Variants in HADHA observed in about 807,000 individuals in gnomAD.
The protein encoded by HADHA is hydroxyacyl-CoA dehydrogenase trifunctional multienzyme complex subunit alpha.
HADHA carries 59 observed loss-of-function variants against 91.3 expected under a neutral mutation model. That is an observed-to-expected ratio of 0.65 (90% CI 0.52 to 0.80). HADHA has a LOEUF of 0.80. HADHA is among the 30% of genes least tolerant of loss of function. The probability of loss-of-function intolerance (pLI) is 0.00; values close to 1 mark genes in which losing one functional copy is unlikely to be tolerated. For synonymous variants in HADHA, 320 were observed against 338.9 expected (o/e 0.94, Z 0.61); for missense variants, 800 against 927.6 (o/e 0.86, Z 1.79).
At chr2:26,228,394 G>A (rs780501631) in intron 7 of HADHA, among the ~76,000 whole-genome samples, 12 of 152,214 alleles carry the variant, frequency 7.9e-5, no homozygotes, top group South Asian at 2.1e-4. Context: ...GCCTCCCAAA[G>A]TGCTGGGATT....
rs1057517397 is a variant in HADHA, at chr2:26,192,391, TGATA to T, written c.1915_1918del (p.Tyr639ArgfsTer4). 1.9e-6 allele frequency: 3 copies of T among 1,606,324 alleles called. No homozygotes were observed. Among genetic ancestry groups the T allele is most frequent in the Non-Finnish European group, 2.6e-6 (3 of 1,172,886 alleles). On this transcript the variant is annotated frameshift_variant, in exon 18 of 20. Transcript: ENST00000380649. LOFTEE classifies it high-confidence loss of function. ...CAAATCCTTCCTCTTCACACCCTCC[TGATA>T]GATGTAAAAGCCCTTCCCAGATTTA...
chr2:26,216,179 G>T (rs2147770607), intron 7 of HADHA, among the ~76,000 whole-genome samples: 1 of 152,282 alleles, frequency 6.6e-6, no homozygotes, highest in African/African-American at 2.4e-5. Context: ...TCAAAAGTCT[G>T]TAAGAGCCAC....
intron 7 of HADHA, among the ~76,000 whole-genome samples, chr2:26,223,579 G>A (rs1670422906): frequency 6.6e-6 from 1 of 152,190 alleles, no homozygotes; most frequent in Non-Finnish European, 1.5e-5. Flanking sequence ...TGAGGGAGCT[G>A]CAGTCAAGGA....
Position 26,214,721 on chromosome 2 carries a change from T to G in HADHA, c.800-160A>C. On this transcript the variant is annotated intron_variant, in intron 8 of 19. Coordinates refer to ENST00000380649, the MANE Select transcript of HADHA (RefSeq NM_000182.5). The surrounding 1 kb of genome is among the most constrained non-coding windows in gnomAD (Gnocchi z 4.1). ...ATAAATTTCAACCTAAGCACTACCTTAAACATGCTAAGTGATGAATGTTAA... is the reference window on the plus strand; with the variant it reads ...ATAAATTTCAACCTAAGCACTACCTGAAACATGCTAAGTGATGAATGTTAA... 1.5e-6 allele frequency: 1 copy of G among 648,472 alleles called. No homozygotes were observed. The highest frequency in any genetic ancestry group is 2.7e-5 in the East Asian group (1 of 36,988). The allele number at this position is 648,472 out of a possible 1,614,324, so 40.2% of individuals were successfully genotyped here. A position where few individuals can be genotyped will look rare whatever the true frequency, so the allele number is the denominator to read the frequency against.
intron 10 of HADHA, chr2:26,212,325 G>A (rs934057943): frequency 1.2e-5 from 6 of 492,492 alleles, no homozygotes; most frequent in African/African-American, 7.8e-5. Context: ...GAGCTCAAAC[G>A]ATCTGCCCAC....
chr2:26,217,336 A>G (rs1267141426), intron 7 of HADHA, among the ~76,000 whole-genome samples: 3 of 152,250 alleles, frequency 2.0e-5, no homozygotes, highest in Non-Finnish European at 4.4e-5. Flanking sequence ...GGGCAATATC[A>G]AATGACCTAA....
At chr2:26,220,739 T>G (rs1338597755) in intron 7 of HADHA, among the ~76,000 whole-genome samples, 1 of 152,252 alleles carries the variant, frequency 6.6e-6, no homozygotes, top group Non-Finnish European at 1.5e-5. Context: ...GCAATATACC[T>G]TCAATGTCTT....
chr2:26,214,497 T>C lies in HADHA; in HGVS notation c.864A>G (p.Glu288=), dbSNP rs372425837. The stretch of plus-strand genomic sequence containing the variant: ...GGCCTTTAGTCTGCTTTCGCACTTT[T>C]TCTTCCACTTTTTTGTAAACCTGTT... The part of the protein sequence containing the change: ...VRQQVYKKVE[E]KVRKQTKGLY... Residue 288 remains glutamate, a synonymous_variant, in exon 9 of 20, where the codon GAA becomes GAG. Transcript: ENST00000380649. This position sits in a 1 kb window ranked among gnomAD's most constrained non-coding sequence, Gnocchi z 4.1. 3.5e-5 allele frequency: 56 copies of C among 1,608,918 alleles called. 1 individual carries two copies. The African/African-American group carries it at 6.8e-4, about 20-fold the overall frequency.
intron 7 of HADHA, among the ~76,000 whole-genome samples, chr2:26,216,725 T>C (rs1670230672): frequency 1.3e-5 from 2 of 152,094 alleles, no homozygotes; most frequent in Non-Finnish European, 2.9e-5. Flanking sequence ...AACACAGTCA[T>C]AATCCTGAGG....
In HADHA at chr2:26,208,017, T is replaced by G. The variant is rs1402142070; in HGVS notation, c.1085+1763A>C. 3.3e-5 allele frequency among the ~76,000 whole-genome samples: 5 copies of G among 152,224 alleles called. No homozygotes were observed. The East Asian group carries it at 9.6e-4, about 29-fold the overall frequency. On this transcript the variant is annotated intron_variant, in intron 11 of 19. Transcript: ENST00000380649. ...TTTAACATATTTTGCCTTGGGTATC[T>G]TATAGCTTATTCTTCATTTCTAAGA...
chr2:26,213,885 T>TA (rs1670158263), intron 9 of HADHA, among the ~76,000 whole-genome samples: 1 of 152,232 alleles, frequency 6.6e-6, no homozygotes, highest in Non-Finnish European at 1.5e-5. Context: ...TCTTTGGTTA[T>TA]ATACTCTCTT....
At position 26,221,987 on chromosome 2, in the gene HADHA, G is replaced by A. The variant is rs1439924254; in HGVS notation, c.677-6812C>T. 6.6e-6 allele frequency among the ~76,000 whole-genome samples: 1 copy of A among 152,192 alleles called. No individual in the cohort carries two copies. Among genetic ancestry groups the A allele is most frequent in the Admixed American group, 6.5e-5 (1 of 15,278 alleles). On this transcript the variant is annotated intron_variant, in intron 7 of 19. Transcript: ENST00000380649. The surrounding 1 kb of genome is among the most constrained non-coding windows in gnomAD (Gnocchi z 4.8). ...AACACAGATGAAAAACTGTTGGCAA[G>A]GTGTTATGGGCTGAATTGTGTCCCC...
rs1558328303 is a variant in HADHA at position 26,229,539 on chromosome 2, GT to G, written c.676+652del. 2.0e-5 allele frequency among the ~76,000 whole-genome samples: 3 copies of G among 152,074 alleles called. No homozygotes were observed. Among genetic ancestry groups the G allele is most frequent in the Non-Finnish European group, 4.4e-5 (3 of 68,020 alleles). On this transcript the variant is annotated intron_variant, in intron 7 of 19. Transcript: ENST00000380649. This position sits in a 1 kb window ranked among gnomAD's most constrained non-coding sequence, Gnocchi z 4.3. ...AGCCCATCAGTAGATATCAATTATT[GT>G]TAATATTCTCAGGTTGGTTGTTTCA...
rs781205883 is a variant in HADHA at position 26,236,890 on chromosome 2, TGATGA to T, written c.274_278del (p.Ser92LysfsTer10). On this transcript the variant is annotated frameshift_variant, in exon 4 of 20. Coordinates refer to ENST00000380649, the MANE Select transcript of HADHA (RefSeq NM_000182.5). LOFTEE classifies it high-confidence loss of function. ...CACCTGCAATAAAGCAGCCTGGCTT[TGATGA>T]GATAAGGACGGCACTTCTGATTTGA... 49 of 1,612,414 alleles carry T rather than the reference TGATGA, an allele frequency of 3.0e-5. No homozygotes were observed. The highest frequency in any genetic ancestry group is 4.1e-5 in the Non-Finnish European group (48 of 1,179,022).
intron 7 of HADHA, among the ~76,000 whole-genome samples, chr2:26,217,395 T>C (rs933434118): frequency 6.6e-6 from 1 of 152,064 alleles, no homozygotes; most frequent in Non-Finnish European, 1.5e-5. Context: ...AGAAAAATAT[T>C]TGAAGAAATA....
intron 11 of HADHA, among the ~76,000 whole-genome samples, chr2:26,205,051 C>T (rs180823899): frequency 4.6e-5 from 7 of 152,274 alleles, no homozygotes; most frequent in South Asian, 4.1e-4. Flanking sequence ...CTTCTCAGGA[C>T]GACTTGATTT....
intron 7 of HADHA, 72 bp from the exon 8 acceptor site, chr2:26,215,247 T>C (rs2147770039): frequency 6.9e-7 from 1 of 1,443,388 alleles, no homozygotes; most frequent in Middle Eastern, 1.7e-4. Context: ...AAACCCAGAC[T>C]TGCCAAAGCC....
intron 11 of HADHA, among the ~76,000 whole-genome samples, chr2:26,205,330 C>T (rs1669943877): frequency 6.6e-6 from 1 of 152,068 alleles, no homozygotes. Flanking sequence ...TTGTAATGTT[C>T]AAAAATCATA....
At chr2:26,195,306 G>C in intron 14 of HADHA, 74 bp from the exon 15 acceptor site, 1 of 1,244,214 alleles carries the variant, frequency 8.0e-7, no homozygotes, top group Non-Finnish European at 1.2e-6. Context: ...TTCTCTGCTA[G>C]GAAAACACTA....
Sources: allele counts gnomAD v4.1 joint callset (sites outside exome capture counted in the v4.1 genomes callset), GRCh38; gene constraint gnomAD v4.1.1; non-coding constraint Gnocchi (gnomAD v3.1); transcripts MANE v1.5; gene names NCBI Gene and HGNC (gene_info 2026-07-23, HGNC 2026-07-21).